The following CMSS1 variants were observed in gnomAD, a reference collection of about 807,000 sequenced individuals.
The protein encoded by CMSS1 is cms1 ribosomal small subunit homolog, also known as protein CMSS1.
CMSS1 carries 33 observed loss-of-function variants against 43.5 expected under a neutral mutation model. The ratio of observed to expected loss-of-function variants is 0.76; its 90% CI spans 0.57 to 1.01. The LOEUF (loss-of-function observed/expected upper bound fraction) is 1.01, where lower values mean the gene tolerates loss of function less well. Ranked by LOEUF, CMSS1 falls within the 50% of genes least tolerant of loss-of-function variation. The pLI, the probability that CMSS1 is intolerant of heterozygous loss-of-function variation, is 0.00. For synonymous variants in CMSS1, 115 were observed against 117.2 expected, an observed-to-expected ratio of 0.98 and a Z score of 0.12; for missense variants, 313 against 326.4, an observed-to-expected ratio of 0.96 and a Z score of 0.32.
Position 100,178,459 on chromosome 3 carries a change from G to T in CMSS1, c.*71G>T, listed in dbSNP as rs2067166096. 1 of 895,308 alleles carries T rather than the reference G, an allele frequency of 1.1e-6. No homozygotes were observed. Among genetic ancestry groups the T allele is most frequent in the Non-Finnish European group, 1.8e-6 (1 of 548,992 alleles). The allele number at this position is 895,308 out of a possible 1,614,324, so 55.5% of individuals were successfully genotyped here. ...TCTTATTTAATGACTCTGATACATT[G>T]CAAGCACTCAGTAAATATCAGCAAA... is the stretch of plus-strand genomic sequence containing the variant. On this transcript the variant is annotated 3_prime_UTR_variant, in exon 10 of 10. Transcript: ENST00000421999.
At chr3:100,157,015 C>T (rs1229525509) in intron 2 of CMSS1, among the ~76,000 whole-genome samples, 1 of 152,140 alleles carries the variant, frequency 6.6e-6, no homozygotes, top group Non-Finnish European at 1.5e-5. Flanking sequence ...CTTGGCCCCA[C>T]AAAGCACTAG....
intron 1 of CMSS1, among the ~76,000 whole-genome samples, chr3:99,940,900 T>A (rs1259173919): frequency 6.6e-6 from 1 of 152,198 alleles, no homozygotes; most frequent in East Asian, 1.9e-4. Flanking sequence ...TCTAAGGAAC[T>A]GTGACTAGAA....
intron 1 of CMSS1, among the ~76,000 whole-genome samples, chr3:99,934,098 T>C (rs1707580292): frequency 6.6e-6 from 1 of 152,188 alleles, no homozygotes; most frequent in Non-Finnish European, 1.5e-5. Context: ...TACAAGAAGC[T>C]AGACCAGGCT....
intron 6 of CMSS1, among the ~76,000 whole-genome samples, chr3:100,168,254 T>G (rs1228604870): frequency 6.6e-6 from 1 of 152,110 alleles, no homozygotes; most frequent in East Asian, 1.9e-4. Flanking sequence ...TTATAGGATT[T>G]TGAGGACTTA....
chr3:100,179,187 T>G lies in CMSS1; in HGVS notation c.*799T>G, dbSNP rs1410420984. ...CAACATTGGGAATTATAATTCAACA[T>G]AAGATTCGGGTGGAGACACAGAGCC... On this transcript the variant is annotated 3_prime_UTR_variant, in exon 10 of 10. Transcript: ENST00000421999. 6.6e-6 allele frequency: 1 copy of G among 152,204 alleles called. No individual in the cohort carries two copies. Among genetic ancestry groups the G allele is most frequent in the Non-Finnish European group, 1.5e-5 (1 of 68,038 alleles). 9.4% of individuals were successfully genotyped at this position (152,204 alleles called of 1,614,324 possible). A position where few individuals can be genotyped will look rare whatever the true frequency, so the allele number is the denominator to read the frequency against.
At chr3:100,145,555 G>A (rs1206064725) in intron 1 of CMSS1, among the ~76,000 whole-genome samples, 4 of 152,152 alleles carry the variant, frequency 2.6e-5, no homozygotes, top group Non-Finnish European at 4.4e-5. Context: ...CATGATTATG[G>A]AGGCTAGCCA....
At chr3:99,857,602 C>T (rs1364328166) in intron 1 of CMSS1, among the ~76,000 whole-genome samples, 1 of 152,220 alleles carries the variant, frequency 6.6e-6, no homozygotes, top group African/African-American at 2.4e-5. Context: ...CACCCTAAAA[C>T]ATCAATTATG....
At chr3:99,818,107 C>T (rs1942358915) in intron 1 of CMSS1, 64 bp downstream of exon 1, 1 of 1,490,716 alleles carries the variant, frequency 6.7e-7, no homozygotes, top group South Asian at 1.2e-5. Context: ...CGCCTCAGCC[C>T]TGGTCGCTTC....
chr3:99,999,549 G>A (rs1169141964), intron 1 of CMSS1, among the ~76,000 whole-genome samples: 3 of 152,162 alleles, frequency 2.0e-5, no homozygotes. Flanking sequence ...CACTGTATAA[G>A]CTAAATCCTT....
rs570337762 is a variant in CMSS1 at position 100,097,952 on chromosome 3, C to T, written c.65-49021C>T. 9.2e-5 allele frequency among the ~76,000 whole-genome samples: 14 copies of T among 152,260 alleles called. No homozygotes were observed. In the South Asian group the frequency reaches 2.1e-3, roughly 23 times the overall value. ...TTTTGTTGGTTTTTTAAAATTTCATCAACGGTAGCATATCTGACAAGGTAA... is the reference window on the plus strand; with the variant it reads ...TTTTGTTGGTTTTTTAAAATTTCATTAACGGTAGCATATCTGACAAGGTAA... On this transcript the variant is annotated intron_variant, in intron 1 of 9. Coordinates refer to ENST00000421999, the MANE Select transcript of CMSS1 (RefSeq NM_032359.4).
At chr3:99,841,697 G>C (rs1470075829) in intron 1 of CMSS1, among the ~76,000 whole-genome samples, 6 of 152,100 alleles carry the variant, frequency 3.9e-5, no homozygotes, top group Non-Finnish European at 1.5e-5. Context: ...ATTCTCAAAA[G>C]AAGATATACA....
In CMSS1 at chr3:100,104,584, G is replaced by A. The variant is rs532584925; in HGVS notation, c.65-42389G>A. On this transcript the variant is annotated intron_variant, in intron 1 of 9. Coordinates refer to ENST00000421999, the MANE Select transcript of CMSS1 (RefSeq NM_032359.4). Reference sequence around the variant, plus strand: ...ACAGTGACCAAGGCAGAGAAGAACCGAGTACAGATCTGGCTGACCAAGGCC... The same window carrying A: ...ACAGTGACCAAGGCAGAGAAGAACCAAGTACAGATCTGGCTGACCAAGGCC... Among the ~76,000 whole-genome samples the A allele has an allele frequency of 1.4e-4, 22 of 152,262 alleles. No individual in the cohort carries two copies. In the East Asian group the frequency reaches 3.5e-3, roughly 24 times the overall value.
chr3:99,888,978 A>G (rs1166388482), intron 1 of CMSS1, among the ~76,000 whole-genome samples: 1 of 152,164 alleles, frequency 6.6e-6, no homozygotes, highest in Non-Finnish European at 1.5e-5. Context: ...TATTCAGAGA[A>G]TTTGATCAGT....
chr3:100,021,096 G>T (rs776103666), intron 1 of CMSS1, among the ~76,000 whole-genome samples: 5 of 152,102 alleles, frequency 3.3e-5, no homozygotes, highest in Non-Finnish European at 5.9e-5. Context: ...CCAGTGTGCT[G>T]TACTTTTCAA....
intron 1 of CMSS1, among the ~76,000 whole-genome samples, chr3:100,072,871 C>T (rs1234973251): frequency 6.6e-6 from 1 of 152,214 alleles, no homozygotes; most frequent in Non-Finnish European, 1.5e-5. Context: ...ACTACCTACC[C>T]ACTTCCTCTA....
At chr3:99,908,101 G>C (rs1706679964) in intron 1 of CMSS1, among the ~76,000 whole-genome samples, 2 of 152,322 alleles carry the variant, frequency 1.3e-5, no homozygotes, top group South Asian at 4.1e-4. Flanking sequence ...TGTCAGTGAA[G>C]TTCTAACTCG....
At chr3:100,076,147 C>G (rs2065846963) in intron 1 of CMSS1, among the ~76,000 whole-genome samples, 1 of 152,162 alleles carries the variant, frequency 6.6e-6, no homozygotes, top group South Asian at 2.1e-4. Flanking sequence ...AGTTATCTTG[C>G]CCGGAAAACC....
At chr3:99,920,558 G>T (rs1379342030) in intron 1 of CMSS1, among the ~76,000 whole-genome samples, 1 of 152,188 alleles carries the variant, frequency 6.6e-6, no homozygotes, top group Non-Finnish European at 1.5e-5. Flanking sequence ...CATGAAACAT[G>T]GATAGAATAT....
chr3:100,141,298 A>C (rs546312698), intron 1 of CMSS1, among the ~76,000 whole-genome samples: 1 of 152,338 alleles, frequency 6.6e-6, no homozygotes, highest in South Asian at 2.1e-4. Context: ...GTGATTGCAA[A>C]CCACATAAAA....
Sources: allele counts gnomAD v4.1 joint callset (sites outside exome capture counted in the v4.1 genomes callset), GRCh38; gene constraint gnomAD v4.1.1; transcripts MANE v1.5; gene names NCBI Gene and HGNC (gene_info 2026-07-23, HGNC 2026-07-21).